GALNT1: variants seen among roughly 807,000 people sequenced by gnomAD.
GALNT1 encodes polypeptide N-acetylgalactosaminyltransferase 1.
A neutral mutation model predicts 65.7 loss-of-function variants in GALNT1; 17 were observed. That is an observed-to-expected ratio of 0.26 (90% CI 0.18 to 0.39). The LOEUF is 0.39. GALNT1 is among the 10% of genes least tolerant of loss of function. GALNT1 has a pLI of 1.00. For synonymous variants in GALNT1, 210 were observed against 219.7 expected, an observed-to-expected ratio of 0.96 and a Z score of 0.39; for missense variants, 460 against 672.8, an observed-to-expected ratio of 0.68 and a Z score of 3.50.
chr18:35,590,417 C>A (rs2046429632), intron 1 of GALNT1, among the ~76,000 whole-genome samples: 1 of 152,132 alleles, frequency 6.6e-6, no homozygotes, highest in Non-Finnish European at 1.5e-5. Context: ...GTATGTTAAT[C>A]TTTTGATTGA....
chr18:35,607,184 G>A (rs2046660995), intron 1 of GALNT1, among the ~76,000 whole-genome samples: 1 of 152,076 alleles, frequency 6.6e-6, no homozygotes, highest in Non-Finnish European at 1.5e-5. Flanking sequence ...CCATGGGAGA[G>A]TAAAAAAGCC....
At chr18:35,689,651 C>T (rs2047924922) in intron 7 of GALNT1, among the ~76,000 whole-genome samples, 4 of 149,294 alleles carry the variant, frequency 2.7e-5, no homozygotes, top group Admixed American at 6.8e-5. Context: ...ATAAATTTCA[C>T]ATTTTGTAAT....
At chr18:35,706,804 A>G (rs1443146627) in intron 11 of GALNT1, among the ~76,000 whole-genome samples, 1 of 152,206 alleles carries the variant, frequency 6.6e-6, no homozygotes, top group East Asian at 1.9e-4. Context: ...GGAACAGCCC[A>G]TCAGAATCGT....
chr18:35,685,044 T>C (rs1019758934), intron 5 of GALNT1, among the ~76,000 whole-genome samples: 10 of 152,170 alleles, frequency 6.6e-5, no homozygotes, highest in African/African-American at 1.7e-4. Context: ...AAATCTCCCC[T>C]AAGAATTTGT....
In GALNT1 at chr18:35,583,442, G is replaced by A. The variant is rs562595049; in HGVS notation, c.-104+1580G>A. On this transcript the variant is annotated intron_variant, in intron 1 of 11. Transcript: ENST00000269195. The stretch of plus-strand genomic sequence containing the variant: ...ACTCTTGGGAGCACTCACCATTTAT[G>A]CAAATACTTGTTAAATGCCTGGCTT... Among the ~76,000 whole-genome samples, 10 of 152,318 alleles carry A rather than the reference G, an allele frequency of 6.6e-5. No individual in the cohort carries two copies. In the South Asian group the frequency reaches 2.1e-3, roughly 32 times the overall value.
intron 1 of GALNT1, among the ~76,000 whole-genome samples, chr18:35,627,662 G>A (rs1598787742): frequency 6.6e-6 from 1 of 152,220 alleles, no homozygotes; most frequent in East Asian, 1.9e-4. Context: ...ACAGAAGACG[G>A]GTGATTTTTG....
chr18:35,711,418 A>T lies in GALNT1; in HGVS notation c.*1648A>T, dbSNP rs2048348963. ...CACAAAGTTTCTCATATCCTGTTCAAGTTAATCAACATCAAGCACATGGGG... is the reference window on the plus strand; with the variant it reads ...CACAAAGTTTCTCATATCCTGTTCATGTTAATCAACATCAAGCACATGGGG... On this transcript the variant is annotated 3_prime_UTR_variant, in exon 12 of 12. Transcript: ENST00000269195. 6.6e-6 allele frequency: 1 copy of T among 152,596 alleles called. No individual in the cohort carries two copies. Among genetic ancestry groups the T allele is most frequent in the Non-Finnish European group, 1.5e-5 (1 of 68,032 alleles). The allele number at this position is 152,596 out of a possible 1,614,324, so 9.5% of individuals were successfully genotyped here.
chr18:35,636,798 T>TG (rs1190450975), intron 1 of GALNT1, among the ~76,000 whole-genome samples: 4 of 149,686 alleles, frequency 2.7e-5, no homozygotes, highest in Non-Finnish European at 5.9e-5. Context: ...TTTTTTTTTT[T>TG]TTTTTTTTTT....
intron 3 of GALNT1, among the ~76,000 whole-genome samples, chr18:35,676,448 C>T (rs766147209): frequency 1.2e-4 from 18 of 152,202 alleles, no homozygotes; most frequent in South Asian, 4.1e-4. Context: ...TTTTACCCTT[C>T]GCTTTTCCTT....
At chr18:35,699,328 C>T (rs1275537268) in intron 9 of GALNT1, among the ~76,000 whole-genome samples, 1 of 152,176 alleles carries the variant, frequency 6.6e-6, no homozygotes, top group African/African-American at 2.4e-5. Context: ...CCAAGAAAAG[C>T]TCCCTTCTTT....
intron 1 of GALNT1, among the ~76,000 whole-genome samples, chr18:35,640,756 G>T (rs1444819073): frequency 6.6e-6 from 1 of 152,156 alleles, no homozygotes; most frequent in African/African-American, 2.4e-5. Flanking sequence ...CAATAGAAGA[G>T]AATATGGAAA....
In GALNT1 at chr18:35,703,559, G is replaced by A; in HGVS notation, c.1449G>A (p.Leu483=). 1 of 1,613,948 alleles carries A rather than the reference G, an allele frequency of 6.2e-7. No homozygotes were observed. The highest frequency in any genetic ancestry group is 1.1e-5 in the South Asian group (1 of 91,064). ...NKEIRTDDLC[L]DVSKLNGPVT... ...AAATTAGAACAGATGACCTTTGCTT[G>A]GATGTTTCCAAACTTAATGGCCCAG... The change falls in exon 11 of 12, where the codon TTG becomes TTA. Residue 483 remains leucine (L), a synonymous_variant. Coordinates refer to ENST00000269195, the MANE Select transcript of GALNT1 (RefSeq NM_020474.4).
chr18:35,609,472 G>GCTGC (rs1417261157), intron 1 of GALNT1, among the ~76,000 whole-genome samples: 1 of 152,150 alleles, frequency 6.6e-6, no homozygotes, highest in Non-Finnish European at 1.5e-5. Context: ...GGAGCGCCTT[G>GCTGC]CTGCCCTTGA....
intron 1 of GALNT1, among the ~76,000 whole-genome samples, chr18:35,612,191 A>G (rs1408674619): frequency 6.6e-6 from 1 of 152,214 alleles, no homozygotes; most frequent in Non-Finnish European, 1.5e-5. Context: ...GGATTTAAAT[A>G]TTTTTAAGAT....
chr18:35,610,043 G>A (rs2046697949), intron 1 of GALNT1, among the ~76,000 whole-genome samples: 1 of 152,162 alleles, frequency 6.6e-6, no homozygotes, highest in Non-Finnish European at 1.5e-5. Flanking sequence ...GGATCACAGA[G>A]TGTTCAAATT....
intron 1 of GALNT1, among the ~76,000 whole-genome samples, chr18:35,586,621 G>A (rs1184642642): frequency 6.6e-6 from 1 of 152,124 alleles, no homozygotes; most frequent in Non-Finnish European, 1.5e-5. Context: ...GTGTGTTTGT[G>A]TGTGTGTTTA....
intron 3 of GALNT1, among the ~76,000 whole-genome samples, chr18:35,667,366 T>A (rs1568027907): frequency 6.6e-6 from 1 of 152,102 alleles, no homozygotes; most frequent in Non-Finnish European, 1.5e-5. Flanking sequence ...ACCAAAGAAG[T>A]AAGATTAGAA....
At chr18:35,615,229 A>G (rs1008298426) in intron 1 of GALNT1, among the ~76,000 whole-genome samples, 1 of 152,296 alleles carries the variant, frequency 6.6e-6, no homozygotes, top group African/African-American at 2.4e-5. Flanking sequence ...AGATGGCATA[A>G]TATTTGGACA....
At chr18:35,619,228 T>C (rs1409991115) in intron 1 of GALNT1, among the ~76,000 whole-genome samples, 1 of 152,182 alleles carries the variant, frequency 6.6e-6, no homozygotes, top group African/African-American at 2.4e-5. Context: ...TATTTCAGGC[T>C]ATTATTAGGG....
Sources: gnomAD v4.1 joint callset for allele counts (sites outside exome capture counted in the v4.1 genomes callset) on GRCh38, gnomAD v4.1.1 for gene constraint, MANE v1.5 for transcripts, NCBI Gene and HGNC (gene_info 2026-07-23, HGNC 2026-07-21) for gene names.